Variants in RBFOX1 observed in about 807,000 individuals in gnomAD.
RBFOX1 encodes RNA binding fox-1 homolog 1.
Under a neutral mutation model 57.7 loss-of-function variants are expected in RBFOX1, and 8 were observed. The observed-to-expected ratio is 0.14, with a 90% confidence interval of 0.08 to 0.25. The LOEUF is 0.25. RBFOX1 is among the 10% of genes least tolerant of loss of function. The pLI, the probability that RBFOX1 is intolerant of heterozygous loss-of-function variation, is 1.00. For synonymous variants in RBFOX1, 326 were observed against 222.4 expected, an observed-to-expected ratio of 1.47 and a Z score of -4.15; for missense variants, 611 against 548.5, an observed-to-expected ratio of 1.11 and a Z score of -1.14.
chr16:6,061,777 G>T (rs1399910642), intron 1 of RBFOX1, among the ~76,000 whole-genome samples: 5 of 152,098 alleles, frequency 3.3e-5, no homozygotes, highest in Non-Finnish European at 7.3e-5. Flanking sequence ...GTGACCAGAT[G>T]TGCAGGGTTT....
chr16:7,698,842 TC>T (rs2079665040), intron 14 of RBFOX1, among the ~76,000 whole-genome samples: 1 of 152,198 alleles, frequency 6.6e-6, no homozygotes, highest in Non-Finnish European at 1.5e-5. Flanking sequence ...AGGCATAGTC[TC>T]AGGCTTGCTG....
chr16:7,160,018 T>G (rs1423263382), intron 4 of RBFOX1, among the ~76,000 whole-genome samples: 2 of 152,226 alleles, frequency 1.3e-5, no homozygotes, highest in African/African-American at 4.8e-5. Context: ...TTGACATATC[T>G]AAGCATTATC....
intron 2 of RBFOX1, among the ~76,000 whole-genome samples, chr16:6,469,618 T>G (rs1030840131): frequency 4.6e-5 from 7 of 152,252 alleles, no homozygotes. Flanking sequence ...GCTTGCTCAC[T>G]GCTTTGATAG....
chr16:6,834,150 C>T (rs181676984), intron 3 of RBFOX1, among the ~76,000 whole-genome samples: 1 of 152,088 alleles, frequency 6.6e-6, no homozygotes, highest in African/African-American at 2.4e-5. Context: ...CTCGGCTCAC[C>T]ACAACCTCCG....
At chr16:6,926,070 C>T (rs896057066) in intron 3 of RBFOX1, among the ~76,000 whole-genome samples, 1 of 152,020 alleles carries the variant, frequency 6.6e-6, no homozygotes, top group Admixed American at 6.6e-5. Context: ...CTTTGGGAGG[C>T]CGAGGTGGGT....
intron 4 of RBFOX1, among the ~76,000 whole-genome samples, chr16:7,483,935 A>G (rs1052278948): frequency 6.6e-6 from 1 of 152,238 alleles, no homozygotes; most frequent in Non-Finnish European, 1.5e-5. Flanking sequence ...ATTATATACA[A>G]TCTCACAGTC....
chr16:6,977,411 G>A (rs532719219), intron 3 of RBFOX1, among the ~76,000 whole-genome samples: 62 of 152,116 alleles, frequency 4.1e-4, no homozygotes, highest in Non-Finnish European at 7.4e-4. Flanking sequence ...GTTCTGTTTA[G>A]CAAACATTAT....
At chr16:6,149,884 A>G (rs1440782318) in intron 1 of RBFOX1, among the ~76,000 whole-genome samples, 1 of 152,220 alleles carries the variant, frequency 6.6e-6, no homozygotes, top group Non-Finnish European at 1.5e-5. Flanking sequence ...AAATTGCTAT[A>G]CAAATAAGTC....
chr16:5,906,651 C>G (rs769544540), intron 4 of RBFOX1, among the ~76,000 whole-genome samples: 1 of 150,032 alleles, frequency 6.7e-6, no homozygotes, highest in Non-Finnish European at 1.5e-5. Flanking sequence ...TGTACTCTAA[C>G]TTAACAGAGG....
At chr16:7,110,016 G>A (rs1280453212) in intron 4 of RBFOX1, among the ~76,000 whole-genome samples, 1 of 151,980 alleles carries the variant, frequency 6.6e-6, no homozygotes, top group African/African-American at 2.4e-5. Context: ...CAGGGAGGAG[G>A]AGTTATAATT....
At chr16:7,014,811 G>A (rs761290948) in intron 3 of RBFOX1, among the ~76,000 whole-genome samples, 9 of 152,146 alleles carry the variant, frequency 5.9e-5, no homozygotes, top group African/African-American at 1.2e-4. Flanking sequence ...TGCAACCTCC[G>A]TCTCCAGGAT....
intron 2 of RBFOX1, among the ~76,000 whole-genome samples, chr16:6,356,194 C>T (rs2087285543): frequency 6.6e-6 from 1 of 152,174 alleles, no homozygotes; most frequent in Non-Finnish European, 1.5e-5. Flanking sequence ...TCTTTAAGCA[C>T]TGCTTTTACA....
intron 1 of RBFOX1, among the ~76,000 whole-genome samples, chr16:6,115,113 C>T (rs112139375): frequency 0.032 from 4,832 of 152,168 alleles, 241 homozygotes; most frequent in African/African-American, 0.11. Flanking sequence ...CTAGTGTCTT[C>T]TGCTAACGAG....
intron 4 of RBFOX1, among the ~76,000 whole-genome samples, chr16:7,156,743 G>T (rs1200617502): frequency 6.6e-6 from 1 of 152,000 alleles, no homozygotes; most frequent in Non-Finnish European, 1.5e-5. Context: ...ATGTTAAATG[G>T]CTTGAGTTTT....
At chr16:6,618,236 T>C (rs2098172126) in intron 2 of RBFOX1, among the ~76,000 whole-genome samples, 1 of 152,140 alleles carries the variant, frequency 6.6e-6, no homozygotes. Context: ...TACTTAACAG[T>C]TATTGAATAT....
intron 4 of RBFOX1, among the ~76,000 whole-genome samples, chr16:7,152,935 C>G (rs1468134034): frequency 6.6e-6 from 1 of 152,178 alleles, no homozygotes; most frequent in East Asian, 1.9e-4. Context: ...AAAATCTAGG[C>G]AAGGAGGGAA....
At chr16:5,755,719 C>T (rs2053369248) in intron 3 of RBFOX1, among the ~76,000 whole-genome samples, 1 of 152,196 alleles carries the variant, frequency 6.6e-6, no homozygotes, top group Non-Finnish European at 1.5e-5. Flanking sequence ...CTGACTCGGC[C>T]TCCGAAGTAG....
intron 3 of RBFOX1, among the ~76,000 whole-genome samples, chr16:6,673,858 C>T (rs530376982): frequency 3.3e-5 from 5 of 152,106 alleles, no homozygotes; most frequent in South Asian, 2.1e-4. Flanking sequence ...AAAGTAGTTA[C>T]AGATATTAAG....
At chr16:5,860,809 C>A (rs1597532407) in intron 3 of RBFOX1, among the ~76,000 whole-genome samples, 1 of 152,160 alleles carries the variant, frequency 6.6e-6, no homozygotes, top group African/African-American at 2.4e-5. Context: ...CAGGGCTCCT[C>A]TTGTAGATAC....
Sources: gnomAD v4.1 joint callset for allele counts (sites outside exome capture counted in the v4.1 genomes callset) on GRCh38, gnomAD v4.1.1 for gene constraint, MANE v1.5 for transcripts, NCBI Gene and HGNC (gene_info 2026-07-23, HGNC 2026-07-21) for gene names.